The following TNRC6B variants were observed in gnomAD, a reference collection of about 807,000 sequenced individuals.
The protein encoded by TNRC6B is trinucleotide repeat containing adaptor 6B.
Under a neutral mutation model 203.6 loss-of-function variants are expected in TNRC6B, and 52 were observed. The observed-to-expected ratio is 0.26, with a 90% CI of 0.20 to 0.32. The LOEUF (loss-of-function observed/expected upper bound fraction) is 0.32. TNRC6B is among the 10% of genes least tolerant of loss of function. TNRC6B has a pLI of 1.00. For synonymous variants in TNRC6B, 838 were observed against 845.7 expected, an observed-to-expected ratio of 0.99 and a Z score of 0.16; for missense variants, 1,923 against 2,286.2, an observed-to-expected ratio of 0.84 and a Z score of 3.24.
intron 12 of TNRC6B, among the ~76,000 whole-genome samples, chr22:40,299,334 G>C (rs1360704887): frequency 6.6e-6 from 1 of 150,796 alleles, no homozygotes; most frequent in African/African-American, 2.4e-5. Flanking sequence ...CCGCCTCCCA[G>C]CTTGAGGCAA....
chr22:40,186,226 C>T (rs951480320), intron 1 of TNRC6B, among the ~76,000 whole-genome samples: 2 of 152,102 alleles, frequency 1.3e-5, no homozygotes, highest in Admixed American at 6.5e-5. Context: ...AGTCATTCCT[C>T]ATCACAGAAG....
rs564538463 is a variant in TNRC6B, at chr22:40,194,631, A to G, written c.5+16491A>G. 1.1e-4 allele frequency among the ~76,000 whole-genome samples: 16 copies of G among 152,342 alleles called. No homozygotes were observed. In the East Asian group the frequency reaches 3.1e-3, roughly 29 times the overall value. ...TCTTAGTTTTCCCCACCTGCTTTGC[A>G]CATGCTTGAATGTCCTTTAATAGGA... On this transcript the variant is annotated intron_variant, in intron 1 of 22. Coordinates refer to ENST00000454349, the MANE Select transcript of TNRC6B (RefSeq NM_001162501.2).
chr22:40,262,768 G>A (rs747887723), intron 4 of TNRC6B, among the ~76,000 whole-genome samples: 9 of 152,134 alleles, frequency 5.9e-5, no homozygotes, highest in South Asian at 2.1e-4. Context: ...GGCCGGGCAC[G>A]GTGGCTCACG....
At chr22:40,247,970 G>A (rs2070131977) in intron 2 of TNRC6B, among the ~76,000 whole-genome samples, 2 of 152,006 alleles carry the variant, frequency 1.3e-5, no homozygotes, top group African/African-American at 2.4e-5. Context: ...AGCTACTTTG[G>A]AAGCTGAGGT....
chr22:40,210,319 G>A (rs1445364657), intron 1 of TNRC6B, among the ~76,000 whole-genome samples: 1 of 152,186 alleles, frequency 6.6e-6, no homozygotes, highest in Non-Finnish European at 1.5e-5. Context: ...AGATTCTGTG[G>A]GAATATAGGC....
chr22:40,316,390 G>A (rs1260156422), intron 21 of TNRC6B, among the ~76,000 whole-genome samples: 2 of 151,938 alleles, frequency 1.3e-5, no homozygotes, highest in Non-Finnish European at 2.9e-5. Flanking sequence ...TAAAGATGGG[G>A]GTTGGTTTCT....
rs538751851 is a variant in TNRC6B, at chr22:40,229,897, T to A, written c.6-16118T>A. Among the ~76,000 whole-genome samples the A allele has an allele frequency of 3.3e-5, 5 of 152,346 alleles. No individual in the cohort carries two copies. The South Asian group carries it at 1.0e-3, about 32-fold the overall frequency. On this transcript the variant is annotated intron_variant, in intron 1 of 22. Coordinates refer to ENST00000454349, the MANE Select transcript of TNRC6B (RefSeq NM_001162501.2). ...ATTTGGGCATTTGCTCGTTTTCAGC[T>A]CTTATCAATAAAGCTATGAATATTC...
At chr22:40,120,233 C>T (rs2068431273) in intron 2 of TNRC6B, among the ~76,000 whole-genome samples, 1 of 150,206 alleles carries the variant, frequency 6.7e-6, no homozygotes. Context: ...TGATGTGTAC[C>T]TGTAGTTCCA....
intron 3 of TNRC6B, among the ~76,000 whole-genome samples, chr22:40,155,671 C>T (rs992600518): frequency 6.6e-6 from 1 of 152,002 alleles, no homozygotes; most frequent in African/African-American, 2.4e-5. Flanking sequence ...ATACCCTTGT[C>T]AACACTTGGT....
chr22:40,243,572 CATTTT>C (rs1237680781), intron 1 of TNRC6B, among the ~76,000 whole-genome samples: 2 of 151,922 alleles, frequency 1.3e-5, no homozygotes, highest in Non-Finnish European at 2.9e-5. Flanking sequence ...CCTTTTTTTA[CATTTT>C]ATTTTATTAA....
intron 1 of TNRC6B, among the ~76,000 whole-genome samples, chr22:40,053,814 CT>C (rs1269042701): frequency 6.6e-6 from 1 of 152,228 alleles, no homozygotes; most frequent in Non-Finnish European, 1.5e-5. Flanking sequence ...ATTGTTGAAA[CT>C]GTAGTGAGAA....
intron 1 of TNRC6B, among the ~76,000 whole-genome samples, chr22:40,200,868 A>G (rs1266068165): frequency 6.6e-6 from 1 of 152,130 alleles, no homozygotes; most frequent in African/African-American, 2.4e-5. Flanking sequence ...GTTCCCTCTC[A>G]TGAGAGGCAG....
intron 1 of TNRC6B, among the ~76,000 whole-genome samples, chr22:40,112,277 G>C (rs2068344051): frequency 6.6e-6 from 1 of 152,172 alleles, no homozygotes; most frequent in African/African-American, 2.4e-5. Context: ...CTTCCAGGGG[G>C]GTGGGTGAAG....
At chr22:40,289,483 C>G (rs1433506911) in intron 12 of TNRC6B, among the ~76,000 whole-genome samples, 1 of 152,124 alleles carries the variant, frequency 6.6e-6, no homozygotes, top group East Asian at 1.9e-4. Flanking sequence ...ATATGATGAT[C>G]TGTTCTCTAG....
rs1337845624 is a variant in TNRC6B, at chr22:40,279,987, C to G, written c.3263-8C>G. ...GGAAATTTTCACTCTGTGTATGCTA[C>G]TTTTCAGGAAGCCTTTCAGATAAAA... On this transcript the variant is annotated splice_region_variant and splice_polypyrimidine_tract_variant and intron_variant, in intron 9 of 22. Transcript: ENST00000454349. The G allele has an allele frequency of 6.2e-7, 1 of 1,613,726 alleles. No homozygotes were observed. Among genetic ancestry groups the G allele is most frequent in the Non-Finnish European group, 8.5e-7 (1 of 1,179,746 alleles).
At chr22:40,289,233 G>C (rs892000524) in intron 12 of TNRC6B, among the ~76,000 whole-genome samples, 1 of 151,944 alleles carries the variant, frequency 6.6e-6, no homozygotes, top group Admixed American at 6.6e-5. Context: ...AGTGAACCAC[G>C]ATCAAGCCAC....
At chr22:40,083,571 T>C (rs574191318) in intron 1 of TNRC6B, among the ~76,000 whole-genome samples, 1 of 152,296 alleles carries the variant, frequency 6.6e-6, no homozygotes, top group African/African-American at 2.4e-5. Flanking sequence ...TTTTTGTTTA[T>C]CTTTTTAAGA....
chr22:40,131,911 A>G (rs2068548348), intron 3 of TNRC6B, among the ~76,000 whole-genome samples: 1 of 152,188 alleles, frequency 6.6e-6, no homozygotes, highest in Non-Finnish European at 1.5e-5. Flanking sequence ...AACAGTGAAT[A>G]TTTCTTACAT....
At chr22:40,281,066 T>A (rs2070716160) in intron 10 of TNRC6B, 53 bp from the exon 11 acceptor site, 1 of 1,424,174 alleles carries the variant, frequency 7.0e-7, no homozygotes, top group Admixed American at 2.4e-5. Flanking sequence ...TTGCATTCTG[T>A]TGCTTCACTA....
Sources: gnomAD v4.1 joint callset for allele counts (sites outside exome capture counted in the v4.1 genomes callset) on GRCh38, gnomAD v4.1.1 for gene constraint, MANE v1.5 for transcripts, NCBI Gene and HGNC (gene_info 2026-07-23, HGNC 2026-07-21) for gene names.